The following NCKAP5 variants were observed in gnomAD, a reference collection of about 807,000 sequenced individuals.
NCKAP5 encodes the protein NCK associated protein 5.
NCKAP5 carries 92 observed loss-of-function variants against 167.0 expected under a neutral mutation model. The ratio of observed to expected loss-of-function variants is 0.55; its 90% CI spans 0.47 to 0.66. The LOEUF is 0.66. Among genes scored for constraint, NCKAP5 ranks in the 30% least tolerant of loss-of-function variants. The pLI, the probability that NCKAP5 is intolerant of heterozygous loss-of-function variation, is 0.00. For synonymous variants in NCKAP5, 891 were observed against 877.4 expected, an observed-to-expected ratio of 1.02 and a Z score of -0.27; for missense variants, 2,378 against 2,315.0, an observed-to-expected ratio of 1.03 and a Z score of -0.56.
Position 132,920,731 on chromosome 2 carries a change from A to G in NCKAP5, c.580-41815T>C, listed in dbSNP as rs3075198. 1.2e-4 allele frequency among the ~76,000 whole-genome samples: 11 copies of G among 94,132 alleles called. 1 individual carries two copies. Among genetic ancestry groups the G allele is most frequent in the African/African-American group, 2.1e-4 (4 of 19,042 alleles). The allele number at this position is 94,132 out of a possible 152,430, so 61.8% of individuals were successfully genotyped here. A position where few individuals can be genotyped will look rare whatever the true frequency, so the allele number is the denominator to read the frequency against. Reference sequence around the variant, plus strand: ...TATGTATATATATGTATATATATATATGTATATATATGTGTATATATATAT... The same window carrying G: ...TATGTATATATATGTATATATATATGTGTATATATATGTGTATATATATAT... On this transcript the variant is annotated intron_variant, in intron 8 of 19. Coordinates refer to ENST00000409261, the MANE Select transcript of NCKAP5 (RefSeq NM_207363.3).
intron 5 of NCKAP5, among the ~76,000 whole-genome samples, chr2:133,196,283 C>A (rs1574343644): frequency 6.6e-6 from 1 of 152,174 alleles, no homozygotes; most frequent in African/African-American, 2.4e-5. Flanking sequence ...GAACAGGAAC[C>A]CCTGAGGTAT....
intron 15 of NCKAP5, among the ~76,000 whole-genome samples, chr2:132,779,791 A>T (rs1188799346): frequency 6.6e-6 from 1 of 152,194 alleles, no homozygotes; most frequent in Non-Finnish European, 1.5e-5. Context: ...ATAGCTAATA[A>T]TTAATAACTA....
At chr2:132,969,249 G>C (rs2076758711) in intron 7 of NCKAP5, among the ~76,000 whole-genome samples, 1 of 152,062 alleles carries the variant, frequency 6.6e-6, no homozygotes, top group Non-Finnish European at 1.5e-5. Flanking sequence ...TGTTAGCCAG[G>C]CTGGTCTGTA....
At chr2:133,458,461 T>C (rs906232073) in intron 3 of NCKAP5, among the ~76,000 whole-genome samples, 7 of 152,056 alleles carry the variant, frequency 4.6e-5, no homozygotes, top group Non-Finnish European at 8.8e-5. Flanking sequence ...CGGTGAAAAC[T>C]TGAAGGGCCT....
intron 8 of NCKAP5, among the ~76,000 whole-genome samples, chr2:132,946,927 A>G (rs2149124318): frequency 6.6e-6 from 1 of 152,298 alleles, no homozygotes; most frequent in Admixed American, 6.5e-5. Context: ...ATGAAGCCAA[A>G]TTATTACAGG....
chr2:133,076,133 C>T (rs896886869), intron 6 of NCKAP5, among the ~76,000 whole-genome samples: 4 of 152,058 alleles, frequency 2.6e-5, no homozygotes, highest in African/African-American at 9.7e-5. Flanking sequence ...AATATAGAAC[C>T]ATACATAAAC....
At chr2:133,090,004 C>CA (rs1244037076) in intron 6 of NCKAP5, among the ~76,000 whole-genome samples, 12 of 151,996 alleles carry the variant, frequency 7.9e-5, no homozygotes, top group Admixed American at 7.9e-4. Context: ...GCCTTGCTAC[C>CA]ATGTTCTCAC....
intron 3 of NCKAP5, among the ~76,000 whole-genome samples, chr2:133,477,550 C>A (rs1575029430): frequency 6.6e-6 from 1 of 152,156 alleles, no homozygotes; most frequent in South Asian, 2.1e-4. Flanking sequence ...ACCCTATATA[C>A]ACTATGTTTT....
intron 2 of NCKAP5, among the ~76,000 whole-genome samples, chr2:133,549,777 A>T (rs1363296339): frequency 6.6e-6 from 1 of 151,064 alleles, no homozygotes; most frequent in Non-Finnish European, 1.5e-5. Context: ...GAGACACAAA[A>T]AAACCCTTCA....
intron 19 of NCKAP5, among the ~76,000 whole-genome samples, chr2:132,714,687 C>T (rs1305108257): frequency 2.6e-5 from 4 of 151,962 alleles, no homozygotes; most frequent in Admixed American, 2.0e-4. Flanking sequence ...CATGGTGGCG[C>T]ATGCCTCTAA....
chr2:133,585,154 C>G, the NCKAP5 span, among the ~76,000 whole-genome samples: 1 of 152,018 alleles, frequency 6.6e-6, no homozygotes, highest in African/African-American at 2.4e-5. Context: ...AAAGCAAAAT[C>G]AAGATAAAAT....
Position 132,992,502 on chromosome 2 carries a change from T to C in NCKAP5, c.429+1650A>G, listed in dbSNP as rs148068911. Among the ~76,000 whole-genome samples the C allele has an allele frequency of 5.5e-4, 84 of 152,344 alleles. 2 individuals carry two copies. The highest frequency in any genetic ancestry group is 1.7e-3 in the African/African-American group (69 of 41,588). On this transcript the variant is annotated intron_variant, in intron 7 of 19. Coordinates refer to ENST00000409261, the MANE Select transcript of NCKAP5 (RefSeq NM_207363.3). ...ATGATGCCTGATTATTTAGTTTTAA[T>C]GAAGCCAGGTGTTACATGTGATGGG...
intron 1 of NCKAP5, 95 bp downstream of exon 1, chr2:133,568,121 T>C (rs939093622): frequency 3.9e-5 from 6 of 152,078 alleles, no homozygotes; most frequent in Admixed American, 1.3e-4. Flanking sequence ...TGGAGAAATA[T>C]GTAAACATCA....
intron 11 of NCKAP5, among the ~76,000 whole-genome samples, chr2:132,858,471 T>C (rs999720224): frequency 6.6e-6 from 1 of 152,222 alleles, no homozygotes; most frequent in Non-Finnish European, 1.5e-5. Flanking sequence ...TTAGCTCCAC[T>C]GTATATATTT....
At chr2:133,044,833 G>A (rs1392953158) in intron 6 of NCKAP5, among the ~76,000 whole-genome samples, 1 of 152,118 alleles carries the variant, frequency 6.6e-6, no homozygotes, top group African/African-American at 2.4e-5. Flanking sequence ...CCAGCACTTT[G>A]GGAGGCCGAG....
chr2:133,525,418 TG>T (rs1213892002), intron 2 of NCKAP5, among the ~76,000 whole-genome samples: 1 of 152,132 alleles, frequency 6.6e-6, no homozygotes, highest in Non-Finnish European at 1.5e-5. Flanking sequence ...CTCAGATAAA[TG>T]GCTATGGCCA....
chr2:132,994,967 A>G (rs567343116), intron 6 of NCKAP5, among the ~76,000 whole-genome samples: 1 of 142,280 alleles, frequency 7.0e-6, no homozygotes, highest in East Asian at 1.9e-4. Context: ...CTAAATGTAG[A>G]AAAGGTACAG....
chr2:133,115,795 A>G (rs1308715786), intron 6 of NCKAP5, among the ~76,000 whole-genome samples: 21 of 120,748 alleles, frequency 1.7e-4, no homozygotes, highest in East Asian at 4.5e-4. Context: ...ATATATATAT[A>G]TATATATATA....
intron 3 of NCKAP5, among the ~76,000 whole-genome samples, chr2:133,435,962 T>C (rs1217374753): frequency 6.6e-6 from 1 of 152,182 alleles, no homozygotes; most frequent in Non-Finnish European, 1.5e-5. Context: ...CTTTATAAAA[T>C]AGTTACTCTT....
Sources: allele counts gnomAD v4.1 joint callset (sites outside exome capture counted in the v4.1 genomes callset), GRCh38; gene constraint gnomAD v4.1.1; transcripts MANE v1.5; gene names NCBI Gene and HGNC (gene_info 2026-07-23, HGNC 2026-07-21).